ZBTB7C: variants seen among roughly 807,000 people sequenced by gnomAD.
The protein encoded by ZBTB7C is zinc finger and BTB domain containing 7C.
ZBTB7C carries 8 observed loss-of-function variants against 25.7 expected under a neutral mutation model. The ratio of observed to expected loss-of-function variants is 0.31; its 90% CI spans 0.18 to 0.56. The LOEUF is 0.56. ZBTB7C is among the 20% of genes least tolerant of loss of function. The pLI is 0.91. For missense variants in ZBTB7C, 824 were observed against 855.2 expected (o/e 0.96, Z 0.46); for synonymous variants, 394 against 369.0 (o/e 1.07, Z -0.78).
rs545351359 is a variant in ZBTB7C, at chr18:48,340,449, G to A, written c.-303-2051C>T. On this transcript the variant is annotated intron_variant, in intron 1 of 4. Transcript: ENST00000590800. ...CAGAAAATCTGCCCCTGGCATCATC[G>A]CTCTTTGTCCCAGGCTGTCCATGGA... is the stretch of plus-strand genomic sequence containing the variant. Among the ~76,000 whole-genome samples, 336 of 152,286 alleles carry A rather than the reference G, an allele frequency of 2.2e-3. 1 individual carries two copies. Among genetic ancestry groups the A allele is most frequent in the African/African-American group, 7.6e-3 (314 of 41,552 alleles).
intron 2 of ZBTB7C, among the ~76,000 whole-genome samples, chr18:48,327,727 G>A (rs540316155): frequency 1.1e-3 from 163 of 152,192 alleles, no homozygotes; most frequent in Non-Finnish European, 1.7e-3. Flanking sequence ...CTTCCCCTCC[G>A]TCTCTTCTCT....
chr18:48,235,947 A>G (rs1448931710), intron 2 of ZBTB7C, among the ~76,000 whole-genome samples: 2 of 152,090 alleles, frequency 1.3e-5, no homozygotes, highest in African/African-American at 2.4e-5. Context: ...TTACTCCCCT[A>G]ATTTGAGAAT....
rs2039853345 is a variant in ZBTB7C at position 48,127,759 on chromosome 18, A to G, written c.-17+58175T>C. On this transcript the variant is annotated intron_variant, in intron 3 of 4. Coordinates refer to ENST00000590800, the MANE Select transcript of ZBTB7C (RefSeq NM_001318841.2). Reference sequence around the variant, plus strand: ...GAGAGTTCACCACTGTGTTATTGGAAAAGCTTCCAAGAGTTGGAGCCAGGT... The same window carrying G: ...GAGAGTTCACCACTGTGTTATTGGAGAAGCTTCCAAGAGTTGGAGCCAGGT... Among the ~76,000 whole-genome samples, 3 of 152,200 alleles carry G rather than the reference A, an allele frequency of 2.0e-5. No individual in the cohort carries two copies. The South Asian group carries it at 6.2e-4, about 32-fold the overall frequency.
chr18:48,279,720 G>A (rs1367126524), intron 2 of ZBTB7C, among the ~76,000 whole-genome samples: 2 of 152,144 alleles, frequency 1.3e-5, no homozygotes, highest in Non-Finnish European at 2.9e-5. Context: ...TGGGAGCTGC[G>A]CAAAGCAAGC....
intron 1 of ZBTB7C, among the ~76,000 whole-genome samples, chr18:48,381,415 C>T (rs912681203): frequency 2.4e-4 from 36 of 152,102 alleles, no homozygotes; most frequent in African/African-American, 8.7e-4. Context: ...TGGTAGAGAT[C>T]CAGAGGTTGA....
At chr18:48,392,016 T>C (rs2047914522) in intron 1 of ZBTB7C, among the ~76,000 whole-genome samples, 1 of 152,242 alleles carries the variant, frequency 6.6e-6, no homozygotes, top group Non-Finnish European at 1.5e-5. Context: ...TTGTACCTAC[T>C]TCTCCTCTCT....
chr18:48,316,590 A>T (rs1169533594), intron 2 of ZBTB7C, among the ~76,000 whole-genome samples: 4 of 152,196 alleles, frequency 2.6e-5, no homozygotes, highest in Non-Finnish European at 5.9e-5. Flanking sequence ...CTTGCTCTAT[A>T]GTTCACAGGA....
intron 2 of ZBTB7C, among the ~76,000 whole-genome samples, chr18:48,232,089 C>G (rs1265951852): frequency 6.6e-6 from 1 of 152,236 alleles, no homozygotes; most frequent in East Asian, 1.9e-4. Flanking sequence ...TGAGCACAGC[C>G]TGCCAGGCTG....
At chr18:48,176,467 C>T (rs1197322036) in intron 3 of ZBTB7C, among the ~76,000 whole-genome samples, 3 of 152,116 alleles carry the variant, frequency 2.0e-5, no homozygotes, top group African/African-American at 7.2e-5. Flanking sequence ...AATCGGGATA[C>T]AAAGAATAGA....
intron 3 of ZBTB7C, chr18:48,137,376 C>T (rs2040205417): frequency 1.0e-6 from 1 of 974,380 alleles, no homozygotes; most frequent in Non-Finnish European, 1.2e-6. Context: ...CTTTTCCCCT[C>T]TTTTCTTCCG....
intron 3 of ZBTB7C, among the ~76,000 whole-genome samples, chr18:48,185,004 A>T (rs1407152615): frequency 6.6e-6 from 1 of 152,188 alleles, no homozygotes; most frequent in South Asian, 2.1e-4. Flanking sequence ...AAACAGGCAG[A>T]AACTAAATTT....
chr18:48,073,289 T>C (rs1415570387), intron 3 of ZBTB7C, among the ~76,000 whole-genome samples: 1 of 152,102 alleles, frequency 6.6e-6, no homozygotes, highest in Non-Finnish European at 1.5e-5. Flanking sequence ...CACCCTCATT[T>C]AGGTCACAGA....
chr18:48,261,072 C>T (rs1326425797), intron 2 of ZBTB7C, among the ~76,000 whole-genome samples: 1 of 152,214 alleles, frequency 6.6e-6, no homozygotes, highest in Non-Finnish European at 1.5e-5. Flanking sequence ...GTATTCCTCT[C>T]TGCCATTGAT....
intron 3 of ZBTB7C, among the ~76,000 whole-genome samples, chr18:48,099,526 T>C (rs1482069503): frequency 6.6e-6 from 1 of 152,124 alleles, no homozygotes; most frequent in Non-Finnish European, 1.5e-5. Flanking sequence ...CAGCACCCCC[T>C]CCCTCATGCA....
intron 3 of ZBTB7C, among the ~76,000 whole-genome samples, chr18:48,063,422 A>C (rs2144339242): frequency 6.6e-6 from 1 of 152,368 alleles, no homozygotes. Context: ...GTGAGGGGGC[A>C]GCCCTCTGCC....
At chr18:48,235,071 T>C (rs2043345024) in intron 2 of ZBTB7C, among the ~76,000 whole-genome samples, 1 of 152,210 alleles carries the variant, frequency 6.6e-6, no homozygotes, top group Non-Finnish European at 1.5e-5. Context: ...TTTTTTTGTC[T>C]CTTAAAACTG....
chr18:48,374,959 T>C (rs542095278), intron 1 of ZBTB7C, among the ~76,000 whole-genome samples: 136 of 151,966 alleles, frequency 8.9e-4, no homozygotes, highest in African/African-American at 3.2e-3. Context: ...ACCCAAGCTC[T>C]TCATTCCTCA....
In ZBTB7C at chr18:48,146,094, TGTG is replaced by T. The variant is rs1255729708; in HGVS notation, c.-17+39837_-17+39839del. Among the ~76,000 whole-genome samples, 3 of 152,328 alleles carry T rather than the reference TGTG, an allele frequency of 2.0e-5. No homozygotes were observed. The East Asian group carries it at 5.8e-4, about 29-fold the overall frequency. On this transcript the variant is annotated intron_variant, in intron 3 of 4. Coordinates refer to ENST00000590800, the MANE Select transcript of ZBTB7C (RefSeq NM_001318841.2). ...TGTTTAGATACTTGCCTAAAATGCA[TGTG>T]TTGTAAAAATAGTTAACAGGGAAAT...
chr18:48,178,459 C>T (rs564538835), intron 3 of ZBTB7C, among the ~76,000 whole-genome samples: 2 of 152,340 alleles, frequency 1.3e-5, no homozygotes. Flanking sequence ...CTGTGAGAAG[C>T]ATTACAAGAA....
Sources: gnomAD v4.1 joint callset for allele counts (sites outside exome capture counted in the v4.1 genomes callset) on GRCh38, gnomAD v4.1.1 for gene constraint, MANE v1.5 for transcripts, NCBI Gene and HGNC (gene_info 2026-07-23, HGNC 2026-07-21) for gene names.